SMIM32: variants seen among roughly 807,000 people sequenced by gnomAD.
SMIM32 encodes small integral membrane protein 32.
SMIM32 carries 1 observed loss-of-function variant against 1.6 expected under a neutral mutation model. The observed-to-expected ratio is 0.64, with a 90% CI of 0.23 to 3.02. The LOEUF (loss-of-function observed/expected upper bound fraction) is 3.02. SMIM32 is among the 30% of genes most tolerant of loss of function. The probability of loss-of-function intolerance (pLI) is 0.21; values close to 1 mark genes in which losing one functional copy is unlikely to be tolerated. For synonymous variants in SMIM32, 53 were observed against 31.3 expected (o/e 1.69, Z -2.31); for missense variants, 99 against 60.5 (o/e 1.64, Z -2.11).
chr5:136,192,555 C>A lies in SMIM32; in HGVS notation c.-31G>T, dbSNP rs1315314016. On this transcript the variant is annotated 5_prime_UTR_variant, in exon 1 of 1. Coordinates refer to ENST00000607574, the MANE Select transcript of SMIM32 (RefSeq NM_001350994.2). ...GCGGGTCCCGCCGACCCCAGCCGGA[C>A]CGCTTCACTTGGCCTGGAGCATACT... The A allele has an allele frequency of 3.1e-6, 2 of 651,384 alleles. No homozygotes were observed. The highest frequency in any genetic ancestry group is 4.5e-5 in the Admixed American group (2 of 44,360). The allele number at this position is 651,384 out of a possible 1,614,324, so 40.4% of individuals were successfully genotyped here. A position where few individuals can be genotyped will look rare whatever the true frequency, so the allele number is the denominator to read the frequency against.
Position 136,192,132 on chromosome 5 carries a change from G to A in SMIM32, c.*81C>T, listed in dbSNP as rs1754830328. ...CCAGGGGCCAGCGATCCCCGGTGTCGTGCCCTCCCTACCAGGCTCAAGCTG... is the reference window on the plus strand; with the variant it reads ...CCAGGGGCCAGCGATCCCCGGTGTCATGCCCTCCCTACCAGGCTCAAGCTG... On this transcript the variant is annotated 3_prime_UTR_variant, in exon 1 of 1. Coordinates refer to ENST00000607574, the MANE Select transcript of SMIM32 (RefSeq NM_001350994.2). 3.3e-6 allele frequency: 2 copies of A among 608,840 alleles called. No individual in the cohort carries two copies. Among genetic ancestry groups the A allele is most frequent in the Non-Finnish European group, 2.9e-6 (1 of 343,292 alleles). The allele number at this position is 608,840 out of a possible 1,614,324, so 37.7% of individuals were successfully genotyped here.
Position 136,192,436 on chromosome 5 carries a change from C to T in SMIM32, c.89G>A (p.Gly30Asp), listed in dbSNP as rs1269286412. 1 of 702,056 alleles carries T rather than the reference C, an allele frequency of 1.4e-6. No homozygotes were observed. Among genetic ancestry groups the T allele is most frequent in the South Asian group, 1.5e-5 (1 of 67,562 alleles). 43.5% of individuals were successfully genotyped at this position (702,056 alleles called of 1,614,324 possible). A position where few individuals can be genotyped will look rare whatever the true frequency, so the allele number is the denominator to read the frequency against. The change falls in exon 1 of 1, where the codon GGC (glycine) becomes GAC (aspartate). Residue 30 changes from glycine (G) to aspartate (D), a missense_variant. Gly to Asp is a moderately conservative substitution (Grantham distance 94). Transcript: ENST00000607574. The stretch of plus-strand genomic sequence containing the variant: ...AGTGGCCAGCTCCAGCGGCAAAGCG[C>T]CTTCTGCCTTGACCGTGGCTCCTGG... ...LAPGATVKAEGALPLELATAR... is the reference protein window; with the variant it reads ...LAPGATVKAEDALPLELATAR...
Position 136,192,035 on chromosome 5 carries a change from G to A in SMIM32, c.*178C>T. On this transcript the variant is annotated 3_prime_UTR_variant, in exon 1 of 1. Coordinates refer to ENST00000607574, the MANE Select transcript of SMIM32 (RefSeq NM_001350994.2). ...TCGAGACCCTACACAGGCTCCCGAC[G>A]CCTCGGTCTCCCTTTCCTCTCGGGT... 1.8e-6 allele frequency: 1 copy of A among 563,898 alleles called. No individual in the cohort carries two copies. Among genetic ancestry groups the A allele is most frequent in the Non-Finnish European group, 3.1e-6 (1 of 319,814 alleles). 34.9% of individuals were successfully genotyped at this position (563,898 alleles called of 1,614,324 possible).
rs762226081 is a variant in SMIM32, at chr5:136,192,189, C to T, written c.*24G>A. 4.8e-5 allele frequency: 31 copies of T among 651,842 alleles called. 1 individual carries two copies. Among genetic ancestry groups the T allele is most frequent in the South Asian group, 3.4e-4 (20 of 59,204 alleles). 40.4% of individuals were successfully genotyped at this position (651,842 alleles called of 1,614,324 possible). A position where few individuals can be genotyped will look rare whatever the true frequency, so the allele number is the denominator to read the frequency against. On this transcript the variant is annotated 3_prime_UTR_variant, in exon 1 of 1. Coordinates refer to ENST00000607574, the MANE Select transcript of SMIM32 (RefSeq NM_001350994.2). ...CTTGGCTAGGTCGGGACGGGGCGCC[C>T]GGCGGCCGTGGCTCAGTCCCAAGCT...
rs1754827129 is a variant in SMIM32, at chr5:136,191,995, C to T, written c.*218G>A. 3 of 519,556 alleles carry T rather than the reference C, an allele frequency of 5.8e-6. No individual in the cohort carries two copies. Among genetic ancestry groups the T allele is most frequent in the South Asian group, 6.3e-5 (2 of 31,936 alleles). The allele number at this position is 519,556 out of a possible 1,614,324, so 32.2% of individuals were successfully genotyped here. On this transcript the variant is annotated 3_prime_UTR_variant, in exon 1 of 1. Coordinates refer to ENST00000607574, the MANE Select transcript of SMIM32 (RefSeq NM_001350994.2). ...GGCCAGGGGATCAGAATCACGGTAC[C>T]TACAGGTACTGGGATCGAGACCCTA...
chr5:136,192,419 G>C lies in SMIM32; in HGVS notation c.106C>G (p.Leu36Val), dbSNP rs745310892. 36 of 702,094 alleles carry C rather than the reference G, an allele frequency of 5.1e-5. No homozygotes were observed. Among genetic ancestry groups the C allele is most frequent in the Non-Finnish European group, 8.6e-5 (33 of 384,618 alleles). The allele number at this position is 702,094 out of a possible 1,614,324, so 43.5% of individuals were successfully genotyped here. The stretch of plus-strand genomic sequence containing the variant: ...TCCCTCATACCGCGCGCAGTGGCCA[G>C]CTCCAGCGGCAAAGCGCCTTCTGCC... ...VKAEGALPLE[L>V]ATARGMRDGA... Residue 36 changes from leucine to valine, a missense_variant, in exon 1 of 1, where the codon CTG (leucine) becomes GTG (valine). By Grantham distance (32) the Leu-to-Val change is conservative. Coordinates refer to ENST00000607574, the MANE Select transcript of SMIM32 (RefSeq NM_001350994.2).
At position 136,192,513 on chromosome 5, in the gene SMIM32, G is replaced by A; in HGVS notation, c.12C>T (p.Asp4=). Residue 4 remains aspartate (D), a synonymous_variant, in exon 1 of 1, where the codon GAC becomes GAT. Coordinates refer to ENST00000607574, the MANE Select transcript of SMIM32 (RefSeq NM_001350994.2). The part of the protein sequence containing the change: MYG[D]IFNATGGPEA... Reference sequence around the variant, plus strand: ...CGGGGCCGCCCGTGGCGTTGAATATGTCGCCGTACATGGCCCGCGGGTCCC... The same window carrying A: ...CGGGGCCGCCCGTGGCGTTGAATATATCGCCGTACATGGCCCGCGGGTCCC... 1.5e-6 allele frequency: 1 copy of A among 688,748 alleles called. No homozygotes were observed. Among genetic ancestry groups the A allele is most frequent in the East Asian group, 2.7e-5 (1 of 36,936 alleles). The allele number at this position is 688,748 out of a possible 1,614,324, so 42.7% of individuals were successfully genotyped here.
Position 136,192,125 on chromosome 5 carries a change from C to CGGTGTCGTGCCCTCCCT in SMIM32, c.*71_*87dup. ...CGTGTTCCCAGGGGCCAGCGATCCC[C>CGGTGTCGTGCCCTCCCT]GGTGTCGTGCCCTCCCTACCAGGCT... is the stretch of plus-strand genomic sequence containing the variant. On this transcript the variant is annotated 3_prime_UTR_variant, in exon 1 of 1. Coordinates refer to ENST00000607574, the MANE Select transcript of SMIM32 (RefSeq NM_001350994.2). 1.6e-6 allele frequency: 1 copy of CGGTGTCGTGCCCTCCCT among 606,604 alleles called. No homozygotes were observed. The highest frequency in any genetic ancestry group is 2.9e-6 in the Non-Finnish European group (1 of 342,214). The allele number at this position is 606,604 out of a possible 1,614,324, so 37.6% of individuals were successfully genotyped here. A position where few individuals can be genotyped will look rare whatever the true frequency, so the allele number is the denominator to read the frequency against.
chr5:136,191,990 G>C lies in SMIM32; in HGVS notation c.*223C>G, dbSNP rs1045972369. The C allele has an allele frequency of 2.1e-6, 1 of 465,598 alleles. No individual in the cohort carries two copies. The highest frequency in any genetic ancestry group is 3.7e-6 in the Non-Finnish European group (1 of 268,458). 28.8% of individuals were successfully genotyped at this position (465,598 alleles called of 1,614,324 possible). ...GATTTGGCCAGGGGATCAGAATCAC[G>C]GTACCTACAGGTACTGGGATCGAGA... On this transcript the variant is annotated 3_prime_UTR_variant, in exon 1 of 1. Coordinates refer to ENST00000607574, the MANE Select transcript of SMIM32 (RefSeq NM_001350994.2).
Position 136,192,766 on chromosome 5 carries a change from G to A in SMIM32, c.-242C>T. 2 of 499,602 alleles carry A rather than the reference G, an allele frequency of 4.0e-6. No individual in the cohort carries two copies. Among genetic ancestry groups the A allele is most frequent in the South Asian group, 3.4e-5 (1 of 29,586 alleles). The allele number at this position is 499,602 out of a possible 1,614,324, so 30.9% of individuals were successfully genotyped here. Reference sequence around the variant, plus strand: ...AGTTCTCGGAGCTGGACAGTTCTGTGCCCGCGCCCCTCGGGCTCACTGTTT... The same window carrying A: ...AGTTCTCGGAGCTGGACAGTTCTGTACCCGCGCCCCTCGGGCTCACTGTTT... On this transcript the variant is annotated 5_prime_UTR_variant, in exon 1 of 1. Coordinates refer to ENST00000607574, the MANE Select transcript of SMIM32 (RefSeq NM_001350994.2).
At position 136,192,729 on chromosome 5, in the gene SMIM32, C is replaced by T; in HGVS notation, c.-205G>A. On this transcript the variant is annotated 5_prime_UTR_variant, in exon 1 of 1. Transcript: ENST00000607574. ...CGCGCTCAGCTGCTTTCCCCGCCGG[C>T]TGGCGGACCCCAGTTCTCGGAGCTG... 6 of 552,936 alleles carry T rather than the reference C, an allele frequency of 1.1e-5. No individual in the cohort carries two copies. Among genetic ancestry groups the T allele is most frequent in the Non-Finnish European group, 1.9e-5 (6 of 316,248 alleles). 34.3% of individuals were successfully genotyped at this position (552,936 alleles called of 1,614,324 possible).
At position 136,192,604 on chromosome 5, in the gene SMIM32, C is replaced by G. The variant is rs556753398; in HGVS notation, c.-80G>C. On this transcript the variant is annotated 5_prime_UTR_variant, in exon 1 of 1. Coordinates refer to ENST00000607574, the MANE Select transcript of SMIM32 (RefSeq NM_001350994.2). Reference sequence around the variant, plus strand: ...CTGGCGCGACCCGGCGCCTCCATGGCGCGCCCCTCCCGCCCTGCCGCGCCC... The same window carrying G: ...CTGGCGCGACCCGGCGCCTCCATGGGGCGCCCCTCCCGCCCTGCCGCGCCC... The G allele has an allele frequency of 1.2e-3, 678 of 583,270 alleles. No individual in the cohort carries two copies. Among genetic ancestry groups the G allele is most frequent in the Non-Finnish European group, 1.8e-3 (581 of 330,636 alleles). The allele number at this position is 583,270 out of a possible 1,614,324, so 36.1% of individuals were successfully genotyped here.
chr5:136,192,463 G>A lies in SMIM32; in HGVS notation c.62C>T (p.Ala21Val), dbSNP rs1446132951. ...TTCTGCCTTGACCGTGGCTCCTGGG[G>A]CCAGCGCGCTGCCTACCGCCGCCTC... ...GPEAAVGSALAPGATVKAEGA... is the reference protein window; with the variant it reads ...GPEAAVGSALVPGATVKAEGA... Residue 21 changes from alanine (A) to valine (V), a missense_variant, in exon 1 of 1, where the codon GCC (alanine) becomes GTC (valine). Physicochemically the swap from Ala to Val is moderately conservative, Grantham distance 64 (BLOSUM62 0). Transcript: ENST00000607574. 3 of 698,494 alleles carry A rather than the reference G, an allele frequency of 4.3e-6. No homozygotes were observed. The highest frequency in any genetic ancestry group is 7.8e-6 in the Non-Finnish European group (3 of 382,166). The allele number at this position is 698,494 out of a possible 1,614,324, so 43.3% of individuals were successfully genotyped here. A position where few individuals can be genotyped will look rare whatever the true frequency, so the allele number is the denominator to read the frequency against.
Position 136,192,784 on chromosome 5 carries a change from C to G in SMIM32, c.-260G>C, listed in dbSNP as rs1754850848. On this transcript the variant is annotated 5_prime_UTR_variant, in exon 1 of 1. Coordinates refer to ENST00000607574, the MANE Select transcript of SMIM32 (RefSeq NM_001350994.2). Reference sequence around the variant, plus strand: ...GTTCTGTGCCCGCGCCCCTCGGGCTCACTGTTTCTCTCCGTCGCCACCAGG... The same window carrying G: ...GTTCTGTGCCCGCGCCCCTCGGGCTGACTGTTTCTCTCCGTCGCCACCAGG... 2.3e-5 allele frequency: 11 copies of G among 475,834 alleles called. No homozygotes were observed. Among genetic ancestry groups the G allele is most frequent in the Non-Finnish European group, 4.0e-5 (11 of 272,708 alleles). The allele number at this position is 475,834 out of a possible 1,614,324, so 29.5% of individuals were successfully genotyped here. A position where few individuals can be genotyped will look rare whatever the true frequency, so the allele number is the denominator to read the frequency against.
chr5:136,192,777 TCGGGCTCA>T lies in SMIM32; in HGVS notation c.-261_-254del. 2.1e-6 allele frequency: 1 copy of T among 482,794 alleles called. No homozygotes were observed. Among genetic ancestry groups the T allele is most frequent in the East Asian group, 3.5e-5 (1 of 28,894 alleles). 29.9% of individuals were successfully genotyped at this position (482,794 alleles called of 1,614,324 possible). ...CTGGACAGTTCTGTGCCCGCGCCCC[TCGGGCTCA>T]CTGTTTCTCTCCGTCGCCACCAGGA... On this transcript the variant is annotated 5_prime_UTR_variant, in exon 1 of 1. Coordinates refer to ENST00000607574, the MANE Select transcript of SMIM32 (RefSeq NM_001350994.2).
Position 136,192,643 on chromosome 5 carries a change from TCGGTGCCTTGGGGC to T in SMIM32, c.-133_-120del. 1.7e-6 allele frequency: 1 copy of T among 576,656 alleles called. No individual in the cohort carries two copies. The highest frequency in any genetic ancestry group is 2.1e-5 in the South Asian group (1 of 47,658). 35.7% of individuals were successfully genotyped at this position (576,656 alleles called of 1,614,324 possible). ...CCTGCCGCGCCCAACTGACCGAGAG[TCGGTGCCTTGGGGC>T]CGGCGGGGACTGCAAAGACCCCGGG... On this transcript the variant is annotated 5_prime_UTR_variant, in exon 1 of 1. Transcript: ENST00000607574.
Position 136,192,717 on chromosome 5 carries a change from T to C in SMIM32, c.-193A>G, listed in dbSNP as rs6889814. 171,274 of 548,692 alleles carry C rather than the reference T, an allele frequency of 0.31. 28,785 individuals are homozygous for C. The highest frequency in any genetic ancestry group is 0.54 in the African/African-American group (26,604 of 49,466). The allele number at this position is 548,692 out of a possible 1,614,324, so 34.0% of individuals were successfully genotyped here. Reference sequence around the variant, plus strand: ...CTCACTCGCCTCCGCGCTCAGCTGCTTTCCCCGCCGGCTGGCGGACCCCAG... The same window carrying C: ...CTCACTCGCCTCCGCGCTCAGCTGCCTTCCCCGCCGGCTGGCGGACCCCAG... On this transcript the variant is annotated 5_prime_UTR_variant, in exon 1 of 1. Coordinates refer to ENST00000607574, the MANE Select transcript of SMIM32 (RefSeq NM_001350994.2).
chr5:136,192,503 C>T lies in SMIM32; in HGVS notation c.22G>A (p.Ala8Thr), dbSNP rs1480889288. 3 of 691,946 alleles carry T rather than the reference C, an allele frequency of 4.3e-6. No homozygotes were observed. Among genetic ancestry groups the T allele is most frequent in the African/African-American group, 3.5e-5 (2 of 56,726 alleles). The allele number at this position is 691,946 out of a possible 1,614,324, so 42.9% of individuals were successfully genotyped here. The change falls in exon 1 of 1, where the codon GCC becomes ACC. Residue 8 changes from alanine (A) to threonine (T), a missense_variant. By Grantham distance (58) the Ala-to-Thr change is moderately conservative. Transcript: ENST00000607574. ...ACCGCCGCCTCGGGGCCGCCCGTGG[C>T]GTTGAATATGTCGCCGTACATGGCC... MYGDIFN[A>T]TGGPEAAVGS... is the part of the protein sequence containing the mutation.
chr5:136,191,539 G>A lies in SMIM32; in HGVS notation c.*674C>T, dbSNP rs1164096129. The A allele has an allele frequency of 6.6e-6, 1 of 152,154 alleles. No individual in the cohort carries two copies. The highest frequency in any genetic ancestry group is 1.5e-5 in the Non-Finnish European group (1 of 68,028). 9.4% of individuals were successfully genotyped at this position (152,154 alleles called of 1,614,324 possible). Reference sequence around the variant, plus strand: ...ATGTGAGACGCGTAGGTGGGCCCCTGCGCCTTTCCACCGGCCTCCCACTGC... The same window carrying A: ...ATGTGAGACGCGTAGGTGGGCCCCTACGCCTTTCCACCGGCCTCCCACTGC... On this transcript the variant is annotated 3_prime_UTR_variant, in exon 1 of 1. Transcript: ENST00000607574.
Sources: gnomAD v4.1 joint callset for allele counts on GRCh38, gnomAD v4.1.1 for gene constraint, MANE v1.5 for transcripts, NCBI Gene and HGNC (gene_info 2026-07-23, HGNC 2026-07-21) for gene names.